Variants in SF3A1 observed in about 807,000 individuals in gnomAD.
SF3A1 encodes SAP 114.
In SF3A1, 13 loss-of-function variants were observed where a neutral mutation model predicts 89.9. That is an observed-to-expected ratio of 0.14 (90% confidence interval 0.09 to 0.23). The LOEUF (loss-of-function observed/expected upper bound fraction) is 0.23. Ranked by LOEUF, SF3A1 falls within the 10% of genes least tolerant of loss-of-function variation. The pLI, the probability that SF3A1 is intolerant of heterozygous loss-of-function variation, is 1.00. For missense variants in SF3A1, 604 were observed against 1,022.1 expected, an observed-to-expected ratio of 0.59 and a Z score of 5.58; for synonymous variants, 405 against 374.4, an observed-to-expected ratio of 1.08 and a Z score of -0.94.
chr22:30,352,580 AG>A (rs773150966), intron 2 of SF3A1: 33 of 165,892 alleles, frequency 2.0e-4, no homozygotes, highest in Non-Finnish European at 3.3e-4. Context: ...GGGTCATTTG[AG>A]GCTCTTGGAA....
intron 4 of SF3A1, 40 bp downstream of exon 4, chr22:30,344,893 T>C (rs756348122): frequency 1.9e-6 from 3 of 1,599,508 alleles, no homozygotes; most frequent in Non-Finnish European, 2.6e-6. Flanking sequence ...ATGTTTTCCT[T>C]TCCTGGGCCC....
In SF3A1 at chr22:30,340,790, C is replaced by T. The variant is rs767466337; in HGVS notation, c.1094G>A (p.Gly365Glu). The T allele has an allele frequency of 6.3e-7, 1 of 1,591,724 alleles. No homozygotes were observed. Among genetic ancestry groups the T allele is most frequent in the Admixed American group, 1.8e-5 (1 of 55,932 alleles). Residue 365 changes from glycine (G) to glutamate (E), a missense_variant, in exon 8 of 16, where the codon GGG becomes GAG. By Grantham distance (98) the Gly-to-Glu change is moderately conservative. Transcript: ENST00000215793. Reference sequence around the variant, plus strand: ...CTCTGGGGGTGGGGGCACTTTCTGCCCTTCTTCTTCATCATCTGAACCCTG... The same window carrying T: ...CTCTGGGGGTGGGGGCACTTTCTGCTCTTCTTCTTCATCATCTGAACCCTG... ...MDEGSDDEEE[G>E]QKVPPPPETP... is the part of the protein sequence containing the mutation.
chr22:30,356,697 C>T (rs769247306), intron 1 of SF3A1, 33 bp downstream of exon 1: 21 of 1,452,408 alleles, frequency 1.4e-5, no homozygotes, highest in Non-Finnish European at 1.9e-5. Context: ...GGCCAACCCT[C>T]CGGCTGCAGG....
At chr22:30,356,083 T>C (rs1931816595) in intron 1 of SF3A1, among the ~76,000 whole-genome samples, 1 of 152,156 alleles carries the variant, frequency 6.6e-6, no homozygotes, top group Non-Finnish European at 1.5e-5. Flanking sequence ...CAATGGTTTG[T>C]GCACATTCGA....
At chr22:30,349,882 C>T (rs767334936) in intron 2 of SF3A1, among the ~76,000 whole-genome samples, 3 of 150,628 alleles carry the variant, frequency 2.0e-5, no homozygotes, top group Non-Finnish European at 3.0e-5. Flanking sequence ...TGGGTTCAAG[C>T]GATCCTCCCA....
intron 13 of SF3A1, 21 bp from the exon 14 acceptor site, chr22:30,335,774 A>G (rs1931046739): frequency 6.3e-7 from 1 of 1,597,788 alleles, no homozygotes; most frequent in Non-Finnish European, 8.6e-7. Context: ...GGAGGTGGTC[A>G]TTATGCCTAG....
chr22:30,340,626 G>GT (rs1931220785), intron 8 of SF3A1, 69 bp downstream of exon 8: 1 of 995,956 alleles, frequency 1.0e-6, no homozygotes, highest in Admixed American at 2.0e-5. Context: ...AAAGACGGGT[G>GT]TGAGGAACAC....
At chr22:30,356,709 T>C in intron 1 of SF3A1, 21 bp downstream of exon 1, 1 of 1,469,362 alleles carries the variant, frequency 6.8e-7, no homozygotes, top group Non-Finnish European at 9.1e-7. Flanking sequence ...GGCTGCAGGC[T>C]GAGGGGCGGG....
rs752657820 is a variant in SF3A1, at chr22:30,338,795, T to A, written c.1737A>T (p.Pro579=). ...SAPPITSVPR[P]PTMPPPVRTT... ...AGGGTAGATGCTGGCTTACTGTGGG[T>A]GGTCGGGGCACTGAAGTGATGGGTG... The change falls in exon 11 of 16, where the codon CCA becomes CCT. Residue 579 remains proline, a synonymous_variant. Coordinates refer to ENST00000215793, the MANE Select transcript of SF3A1 (RefSeq NM_005877.6). The A allele has an allele frequency of 6.2e-7, 1 of 1,613,970 alleles. No individual in the cohort carries two copies. Among genetic ancestry groups the A allele is most frequent in the South Asian group, 1.1e-5 (1 of 91,068 alleles).
rs1930954530 is a variant in SF3A1 at position 30,332,761 on chromosome 22, T to C, written c.*1833A>G. On this transcript the variant is annotated 3_prime_UTR_variant, in exon 16 of 16. Coordinates refer to ENST00000215793, the MANE Select transcript of SF3A1 (RefSeq NM_005877.6). ...TATTCATTCAGGAGCTCCAGGAAAC[T>C]GGATTTGCTCTCTAGAGGGCAGCTC... The C allele has an allele frequency of 6.6e-6, 1 of 152,174 alleles. No individual in the cohort carries two copies. Among genetic ancestry groups the C allele is most frequent in the Admixed American group, 6.5e-5 (1 of 15,276 alleles). The allele number at this position is 152,174 out of a possible 1,614,324, so 9.4% of individuals were successfully genotyped here.
At chr22:30,345,261 G>GCC in intron 3 of SF3A1, 71 bp from the exon 4 acceptor site, 1 of 1,412,178 alleles carries the variant, frequency 7.1e-7, no homozygotes, top group Non-Finnish European at 9.8e-7. Flanking sequence ...GAGGGGAGGG[G>GCC]ACATGGGCAT....
In SF3A1 at chr22:30,333,104, T is replaced by C. The variant is rs992972716; in HGVS notation, c.*1490A>G. The C allele has an allele frequency of 1.3e-5, 2 of 152,242 alleles. No individual in the cohort carries two copies. Among genetic ancestry groups the C allele is most frequent in the African/African-American group, 4.8e-5 (2 of 41,460 alleles). The allele number at this position is 152,242 out of a possible 1,614,324, so 9.4% of individuals were successfully genotyped here. ...CCTCAGGAAGCCAAATTTCAACTCT[T>C]GCCCCTGGGGCAAACTTCTAGCAAC... is the stretch of plus-strand genomic sequence containing the variant. On this transcript the variant is annotated 3_prime_UTR_variant, in exon 16 of 16. Coordinates refer to ENST00000215793, the MANE Select transcript of SF3A1 (RefSeq NM_005877.6).
At chr22:30,350,303 CTAAAAAAAA>C (rs1191209403) in intron 2 of SF3A1, among the ~76,000 whole-genome samples, 3 of 105,462 alleles carry the variant, frequency 2.8e-5, no homozygotes, top group South Asian at 2.5e-4. Flanking sequence ...TACAAAAAAA[CTAAAAAAAA>C]TAAAAAAAAT....
intron 9 of SF3A1, 55 bp downstream of exon 9, chr22:30,340,141 G>C: frequency 7.2e-7 from 1 of 1,382,748 alleles, no homozygotes; most frequent in Non-Finnish European, 9.5e-7. Flanking sequence ...TTGCTTAGAA[G>C]AAGATGGCTG....
At chr22:30,353,184 C>T in intron 1 of SF3A1, 112 bp from the exon 2 acceptor site, 1 of 1,366,198 alleles carries the variant, frequency 7.3e-7, no homozygotes. Flanking sequence ...TCACAGACTT[C>T]CCTCAGGTTA....
At position 30,341,870 on chromosome 22, in the gene SF3A1, G is replaced by A; in HGVS notation, c.893C>T (p.Pro298Leu). 1 of 1,612,910 alleles carries A rather than the reference G, an allele frequency of 6.2e-7. No homozygotes were observed. Among genetic ancestry groups the A allele is most frequent in the Non-Finnish European group, 8.5e-7 (1 of 1,179,954 alleles). ...QPNEQGNFPP[P>L]TTPEELGARI... ...GGCCCCCAGCTCCTCTGGCGTGGTG[G>A]GGGGAGGGAAGTTCCCTAGAGGGTG... Residue 298 changes from proline (P) to leucine (L), a missense_variant, in exon 7 of 16, where the codon CCC becomes CTC. By Grantham distance (98) the Pro-to-Leu change is moderately conservative. This residue lies in a region of SF3A1 where 146 missense variants were observed against 228.5 expected (regional missense o/e 0.64). Transcript: ENST00000215793.
rs758419815 is a variant in SF3A1, at chr22:30,356,879, G to C, written c.-87C>G. On this transcript the variant is annotated 5_prime_UTR_variant, in exon 1 of 16. Transcript: ENST00000215793. ...AGCCTCCCCGCTCGGTCAGTACGACGAGCTCGCAAGATGGCGGCGGCCGAG... is the reference window on the plus strand; with the variant it reads ...AGCCTCCCCGCTCGGTCAGTACGACCAGCTCGCAAGATGGCGGCGGCCGAG... The C allele has an allele frequency of 4.4e-6, 5 of 1,133,192 alleles. No individual in the cohort carries two copies. Among genetic ancestry groups the C allele is most frequent in the African/African-American group, 3.2e-5 (2 of 62,302 alleles). The allele number at this position is 1,133,192 out of a possible 1,614,324, so 70.2% of individuals were successfully genotyped here.
intron 4 of SF3A1, among the ~76,000 whole-genome samples, chr22:30,343,756 A>G (rs765211506): frequency 1.3e-5 from 2 of 152,238 alleles, no homozygotes; most frequent in Non-Finnish European, 2.9e-5. Context: ...TTGATATTGC[A>G]TATTTATAGA....
In SF3A1 at chr22:30,337,868, G is replaced by C; in HGVS notation, c.1773C>G (p.Val591=). ...TMPPPVRTTV[V]SAVPVMPRPP... ...GCCGGGGCATGACGGGTACTGCGGA[G>C]ACAACTGTAGTACGAACTGGAGGTG... Residue 591 remains valine, a synonymous_variant, in exon 12 of 16, where the codon GTC becomes GTG. Transcript: ENST00000215793. 1.9e-6 allele frequency: 3 copies of C among 1,608,106 alleles called. No individual in the cohort carries two copies. Among genetic ancestry groups the C allele is most frequent in the Admixed American group, 1.7e-5 (1 of 59,178 alleles).
Sources: gnomAD v4.1 joint callset for allele counts (sites outside exome capture counted in the v4.1 genomes callset) on GRCh38, gnomAD v4.1.1 for gene constraint, gnomAD v4.1.1 regional missense constraint, MANE v1.5 for transcripts, NCBI Gene and HGNC (gene_info 2026-07-23, HGNC 2026-07-21) for gene names.